SLC8A2: variants seen among roughly 807,000 people sequenced by gnomAD.
SLC8A2 encodes sodium/calcium exchanger 2.
In SLC8A2, 14 loss-of-function variants were observed where a neutral mutation model predicts 70.2. The ratio of observed to expected loss-of-function variants is 0.20; its 90% CI spans 0.13 to 0.31. SLC8A2 has a LOEUF of 0.31. Among genes scored for constraint, SLC8A2 ranks in the 10% least tolerant of loss-of-function variants. The probability of loss-of-function intolerance (pLI) is 1.00; values close to 1 mark genes in which losing one functional copy is unlikely to be tolerated. For missense variants in SLC8A2, 779 were observed against 1,320.1 expected (o/e 0.59, Z 6.35); for synonymous variants, 575 against 594.3 (o/e 0.97, Z 0.47).
At chr19:47,464,850 A>C (rs549658439) in intron 2 of SLC8A2, among the ~76,000 whole-genome samples, 1 of 152,356 alleles carries the variant, frequency 6.6e-6, no homozygotes, top group South Asian at 2.1e-4. Context: ...GAAATACATT[A>C]GGCAAACGTT....
chr19:47,441,290 G>A (rs372306299), intron 5 of SLC8A2, 47 bp downstream of exon 5: 12 of 1,582,290 alleles, frequency 7.6e-6, no homozygotes, highest in South Asian at 2.2e-5. Flanking sequence ...AAAGTCCCCC[G>A]ACCCTGGACC....
At chr19:47,462,860 T>C (rs1967412906) in intron 2 of SLC8A2, among the ~76,000 whole-genome samples, 1 of 152,200 alleles carries the variant, frequency 6.6e-6, no homozygotes, top group African/African-American at 2.4e-5. Context: ...AGTGCTAGGA[T>C]TACAGGCGTG....
At chr19:47,439,391 G>A (rs911455833) in intron 6 of SLC8A2, among the ~76,000 whole-genome samples, 8 of 152,054 alleles carry the variant, frequency 5.3e-5, no homozygotes, top group African/African-American at 1.9e-4. Context: ...AATTAGCTAG[G>A]TGTGGTGGCA....
Position 47,466,362 on chromosome 19 carries a change from C to T in SLC8A2, c.42G>A (p.Ala14=), listed in dbSNP as rs939224463. ...LALVGVTLLL[A]APPCSGAATP... ...TGGCTGCCCCGGAGCATGGGGGAGC[C>T]GCCAGGAGGAGTGTGACCCCCACCA... The change falls in exon 2 of 10, where the codon GCG becomes GCA. Residue 14 remains alanine, a synonymous_variant. Coordinates refer to ENST00000236877, the MANE Select transcript of SLC8A2 (RefSeq NM_015063.3). This position sits in a 1 kb window ranked among gnomAD's most constrained non-coding sequence, Gnocchi z 6.9. 9 of 1,442,890 alleles carry T rather than the reference C, an allele frequency of 6.2e-6. No individual in the cohort carries two copies. Among genetic ancestry groups the T allele is most frequent in the East Asian group, 5.0e-5 (2 of 40,094 alleles). 89.4% of individuals were successfully genotyped at this position (1,442,890 alleles called of 1,614,324 possible).
At chr19:47,461,992 G>A (rs1454898603) in intron 2 of SLC8A2, among the ~76,000 whole-genome samples, 3 of 152,130 alleles carry the variant, frequency 2.0e-5, no homozygotes, top group African/African-American at 7.2e-5. Context: ...TAGGGAGGGG[G>A]ACATGGTCTT....
At chr19:47,470,007 T>C (rs1000867118) in intron 1 of SLC8A2, among the ~76,000 whole-genome samples, 2 of 152,186 alleles carry the variant, frequency 1.3e-5, no homozygotes, top group Non-Finnish European at 2.9e-5. Flanking sequence ...TCCCTCACGC[T>C]ACCACCCCAC....
intron 9 of SLC8A2, among the ~76,000 whole-genome samples, chr19:47,431,911 TG>T (rs1966967953): frequency 6.6e-6 from 1 of 152,012 alleles, no homozygotes; most frequent in Non-Finnish European, 1.5e-5. Context: ...TGAAATCCAT[TG>T]TCTGGTTTCT....
At position 47,437,839 on chromosome 19, in the gene SLC8A2, G is replaced by A. The variant is rs761267158; in HGVS notation, c.2010+10C>T. The A allele has an allele frequency of 8.4e-5, 135 of 1,613,868 alleles. No homozygotes were observed. Among genetic ancestry groups the A allele is most frequent in the East Asian group, 2.2e-4 (10 of 44,894 alleles). On this transcript the variant is annotated intron_variant, in intron 7 of 9. Transcript: ENST00000236877. ...CTGGACTCCAGGAAGGTGAGGCCCC[G>A]GAAAATCACCTTAAAATCATATGAC... is the stretch of plus-strand genomic sequence containing the variant.
rs1406751873 is a variant in SLC8A2, at chr19:47,447,737, G to T, written c.1763+72C>A. The T allele has an allele frequency of 4.2e-6, 6 of 1,416,494 alleles. No homozygotes were observed. Among genetic ancestry groups the T allele is most frequent in the Non-Finnish European group, 3.7e-6 (4 of 1,077,630 alleles). 87.7% of individuals were successfully genotyped at this position (1,416,494 alleles called of 1,614,324 possible). A position where few individuals can be genotyped will look rare whatever the true frequency, so the allele number is the denominator to read the frequency against. On this transcript the variant is annotated intron_variant, in intron 4 of 9. Coordinates refer to ENST00000236877, the MANE Select transcript of SLC8A2 (RefSeq NM_015063.3). The surrounding 1 kb of genome is among the most constrained non-coding windows in gnomAD (Gnocchi z 5.1). ...TGTGGGCATGGCTCACCCAGGCCCC[G>T]CCCCTGAGCCACATCAGGCCTCGCC... is the stretch of plus-strand genomic sequence containing the variant.
At chr19:47,454,613 GTGGGCAGGGTAGGAAAGGTGGATGGAGA>G (rs1049532985) in intron 3 of SLC8A2, among the ~76,000 whole-genome samples, 1 of 152,138 alleles carries the variant, frequency 6.6e-6, no homozygotes, top group African/African-American at 2.4e-5. Flanking sequence ...GAAGGCTGGG[GTGGGCAGGGTAGGAAAGGTGGATGGAGA>G]TGGGCAGACA....
rs1315475409 is a variant in SLC8A2 at position 47,429,092 on chromosome 19, C to T, written c.*997G>A. 6.9e-6 allele frequency: 1 copy of T among 145,762 alleles called. No individual in the cohort carries two copies. The highest frequency in any genetic ancestry group is 2.1e-4 in the East Asian group (1 of 4,700). The allele number at this position is 145,762 out of a possible 1,614,324, so 9.0% of individuals were successfully genotyped here. On this transcript the variant is annotated 3_prime_UTR_variant, in exon 10 of 10. Transcript: ENST00000236877. The stretch of plus-strand genomic sequence containing the variant: ...CCTCTGGGACCCTCGGTCTCCTCTT[C>T]GAGGGTCCTGCCCGGATTGGCTGGC...
intron 8 of SLC8A2, among the ~76,000 whole-genome samples, chr19:47,436,094 C>T (rs929736243): frequency 6.6e-6 from 1 of 152,178 alleles, no homozygotes; most frequent in Non-Finnish European, 1.5e-5. Flanking sequence ...GCCATAATCT[C>T]GCACACTCCA....
intron 3 of SLC8A2, among the ~76,000 whole-genome samples, chr19:47,456,495 C>T (rs1223887616): frequency 6.6e-6 from 1 of 152,144 alleles, no homozygotes; most frequent in Non-Finnish European, 1.5e-5. Flanking sequence ...GAAACCCCAT[C>T]TCTCTACTAA....
Position 47,465,650 on chromosome 19 carries a change from AAC to A in SLC8A2, c.675+77_675+78del. 8.1e-7 allele frequency: 1 copy of A among 1,240,748 alleles called. No homozygotes were observed. Among genetic ancestry groups the A allele is most frequent in the Non-Finnish European group, 1.1e-6 (1 of 895,366 alleles). The allele number at this position is 1,240,748 out of a possible 1,614,324, so 76.9% of individuals were successfully genotyped here. A position where few individuals can be genotyped will look rare whatever the true frequency, so the allele number is the denominator to read the frequency against. Reference sequence around the variant, plus strand: ...GTGCATTTCTGCAAATACAGCAATCAACACTCCAAGCCAAGAGCACCTCTCTG... The same window carrying A: ...GTGCATTTCTGCAAATACAGCAATCAACTCCAAGCCAAGAGCACCTCTCTG... On this transcript the variant is annotated intron_variant, in intron 2 of 9. Coordinates refer to ENST00000236877, the MANE Select transcript of SLC8A2 (RefSeq NM_015063.3). The surrounding 1 kb of genome is among the most constrained non-coding windows in gnomAD (Gnocchi z 5.5).
chr19:47,460,607 G>A (rs375893731), intron 2 of SLC8A2, among the ~76,000 whole-genome samples: 2 of 151,906 alleles, frequency 1.3e-5, no homozygotes, highest in South Asian at 4.1e-4. Context: ...TGAGGCAGGA[G>A]AATTGCTTGA....
chr19:47,442,457 T>C (rs1010628994), intron 4 of SLC8A2, among the ~76,000 whole-genome samples: 4 of 152,188 alleles, frequency 2.6e-5, no homozygotes, highest in African/African-American at 7.2e-5. Flanking sequence ...CTTTCTGGCC[T>C]CCTTGCTATT....
intron 4 of SLC8A2, among the ~76,000 whole-genome samples, chr19:47,443,001 C>T (rs1967116995): frequency 6.6e-6 from 1 of 152,080 alleles, no homozygotes; most frequent in Non-Finnish European, 1.5e-5. Flanking sequence ...TTAAATATCA[C>T]CTTCTAACAC....
At position 47,430,293 on chromosome 19, in the gene SLC8A2, C is replaced by G. The variant is rs773745058; in HGVS notation, c.2562G>C (p.Thr854=). ...TGAAGAGCGTGACGGAGAAGGCCAG[C>G]GTGCCAGTGCGCACCTCGAAGGGGC... is the stretch of plus-strand genomic sequence containing the variant. ...QGRPFEVRTG[T]LAFSVTLFTV... The change falls in exon 10 of 10, where the codon ACG becomes ACC. Residue 854 remains threonine (T), a synonymous_variant. Transcript: ENST00000236877. This position sits in a 1 kb window ranked among gnomAD's most constrained non-coding sequence, Gnocchi z 5.9. 2 of 1,612,410 alleles carry G rather than the reference C, an allele frequency of 1.2e-6. No individual in the cohort carries two copies. Among genetic ancestry groups the G allele is most frequent in the African/African-American group, 1.3e-5 (1 of 75,028 alleles).
chr19:47,469,008 A>G lies in SLC8A2; in HGVS notation c.-16-2589T>C, dbSNP rs141356644. Among the ~76,000 whole-genome samples, 1,182 of 151,998 alleles carry G rather than the reference A, an allele frequency of 7.8e-3. 5 individuals are homozygous for G. The highest frequency in any genetic ancestry group is 0.012 in the Non-Finnish European group (820 of 67,958). On this transcript the variant is annotated intron_variant, in intron 1 of 9. Coordinates refer to ENST00000236877, the MANE Select transcript of SLC8A2 (RefSeq NM_015063.3). ...GAGTCTAACCCACAGCCTGTCCCCA[A>G]CTCACACCTACATACCCATGGGCTG...
Sources: allele counts gnomAD v4.1 joint callset (sites outside exome capture counted in the v4.1 genomes callset), GRCh38; gene constraint gnomAD v4.1.1; non-coding constraint Gnocchi (gnomAD v3.1); transcripts MANE v1.5; gene names NCBI Gene and HGNC (gene_info 2026-07-23, HGNC 2026-07-21).